FRMPD4: variants seen among roughly 807,000 people sequenced by gnomAD.
FRMPD4 encodes FERM and PDZ domain-containing protein 4.
A neutral mutation model predicts 94.1 loss-of-function variants in FRMPD4; 22 were observed. That is an observed-to-expected ratio of 0.23 (90% confidence interval 0.17 to 0.33). The LOEUF is 0.33. Among genes scored for constraint, FRMPD4 ranks in the 10% least tolerant of loss-of-function variants. The pLI is 1.00. For synonymous variants in FRMPD4, 631 were observed against 548.6 expected (o/e 1.15, Z -2.10); for missense variants, 1,111 against 1,339.9 (o/e 0.83, Z 2.67).
Position 12,718,718 on chromosome X carries a change from A to C in FRMPD4, c.3892A>C (p.Ile1298Leu), listed in dbSNP as rs780742360. The C allele has an allele frequency of 1.4e-5, 17 of 1,208,443 alleles. No individual in the cohort carries two copies. The Admixed American group carries it at 3.5e-4, about 25-fold the overall frequency. ...GACAGTGCCTGCTCTGCACACAGCC[A>C]TTAACACCGAACCCCTGTTTGGCAC... is the stretch of plus-strand genomic sequence containing the variant. The part of the protein sequence containing the change: ...RMTVPALHTA[I>L]NTEPLFGTLR... The change falls in exon 16 of 17, where the codon ATT becomes CTT. Residue 1298 changes from isoleucine to leucine, a missense_variant. By Grantham distance (5) the Ile-to-Leu change is conservative. Around this residue, in one of 8 missense-constraint regions of FRMPD4, gnomAD observed 551 missense variants for 591.6 expected, o/e 0.93. Transcript: ENST00000675598.
chrX:12,419,398 A>G (rs1299073588), intron 1 of FRMPD4, among the ~76,000 whole-genome samples: 2 of 112,511 alleles, frequency 1.8e-5, no homozygotes, highest in Non-Finnish European at 3.8e-5. Context: ...TTCTCACCAA[A>G]TGTTTTTGTT....
intron 1 of FRMPD4, among the ~76,000 whole-genome samples, chrX:12,181,929 A>G (rs999232331): frequency 1.8e-5 from 2 of 111,175 alleles, no homozygotes; most frequent in African/African-American, 6.5e-5. Flanking sequence ...TTTTGTTTTT[A>G]AATCTGCAAA....
At chrX:12,611,042 T>C (rs949320578) in intron 3 of FRMPD4, among the ~76,000 whole-genome samples, 2 of 112,290 alleles carry the variant, frequency 1.8e-5, no homozygotes, top group African/African-American at 6.5e-5. Context: ...TTCTACAATA[T>C]GATTAGATAA....
intron 1 of FRMPD4, among the ~76,000 whole-genome samples, chrX:12,375,494 A>G (rs2056224022): frequency 8.9e-6 from 1 of 112,129 alleles, no homozygotes; most frequent in South Asian, 3.7e-4. Flanking sequence ...CTTCATCTGC[A>G]AGCCCACAGT....
intron 3 of FRMPD4, among the ~76,000 whole-genome samples, chrX:11,966,578 A>G (rs1470930337): frequency 8.9e-6 from 1 of 111,733 alleles, no homozygotes; most frequent in Admixed American, 9.5e-5. Context: ...TTGCCAAGGC[A>G]ATGGGTTGAA....
chrX:11,947,847 G>T (rs995211243), intron 3 of FRMPD4, among the ~76,000 whole-genome samples: 2 of 111,024 alleles, frequency 1.8e-5, no homozygotes, highest in Non-Finnish European at 3.8e-5. Context: ...AGCACTTTGG[G>T]AGGCTGAGGC....
At chrX:12,541,690 A>C (rs1289246769) in intron 2 of FRMPD4, among the ~76,000 whole-genome samples, 1 of 112,266 alleles carries the variant, frequency 8.9e-6, no homozygotes, top group African/African-American at 3.2e-5. Flanking sequence ...ATTCCTTCTG[A>C]AACTATTCCA....
chrX:11,942,646 G>T (rs2054167174), intron 3 of FRMPD4, among the ~76,000 whole-genome samples: 1 of 111,785 alleles, frequency 8.9e-6, no homozygotes, highest in Non-Finnish European at 1.9e-5. Flanking sequence ...CTTCCACAAT[G>T]TTGGTCTCTT....
At chrX:12,321,973 G>A (rs2055214285) in intron 1 of FRMPD4, among the ~76,000 whole-genome samples, 1 of 111,987 alleles carries the variant, frequency 8.9e-6, no homozygotes, top group Admixed American at 9.5e-5. Context: ...GGGTGATGTG[G>A]AAGGGGGCCT....
At chrX:12,696,883 T>A (rs959832967) in intron 9 of FRMPD4, among the ~76,000 whole-genome samples, 2 of 111,583 alleles carry the variant, frequency 1.8e-5, no homozygotes, top group Non-Finnish European at 3.8e-5. Flanking sequence ...GTGACATAAA[T>A]TAAAGTGGCA....
At chrX:11,823,907 C>G (rs1234152199) in intron 1 of FRMPD4, among the ~76,000 whole-genome samples, 1 of 111,719 alleles carries the variant, frequency 9.0e-6, no homozygotes, top group African/African-American at 3.3e-5. Flanking sequence ...AACTGCCTTT[C>G]TAACAACTTA....
chrX:12,037,348 G>A lies in FRMPD4; in HGVS notation c.95+159330G>A, dbSNP rs140292010. On this transcript the variant is annotated intron_variant, in intron 3 of 18. Transcript: ENST00000640291. ...ATATAGTTATACAGCTGCCACCACA[G>A]TTAAGATATAGAACATTTCGATCAT... Among the ~76,000 whole-genome samples, 858 of 111,556 alleles carry A rather than the reference G, an allele frequency of 7.7e-3. 4 individuals carry two copies. The highest frequency in any genetic ancestry group is 0.014 in the Non-Finnish European group (725 of 53,041).
At chrX:11,907,481 T>G (rs1288535130) in intron 3 of FRMPD4, among the ~76,000 whole-genome samples, 1 of 112,294 alleles carries the variant, frequency 8.9e-6, no homozygotes, top group Non-Finnish European at 1.9e-5. Flanking sequence ...TTCTGGAGTC[T>G]GGAAGTCCAA....
intron 2 of FRMPD4, among the ~76,000 whole-genome samples, chrX:11,870,467 A>G (rs773146780): frequency 1.8e-5 from 2 of 111,772 alleles, no homozygotes; most frequent in Non-Finnish European, 3.8e-5. Context: ...TGAAAAGGGC[A>G]GTGACATGGC....
At chrX:12,216,310 A>G (rs1010336399) in intron 1 of FRMPD4, among the ~76,000 whole-genome samples, 13 of 111,504 alleles carry the variant, frequency 1.2e-4, no homozygotes, top group Non-Finnish European at 2.3e-4. Flanking sequence ...TGCTCTTTTC[A>G]GCCTAGTAGC....
intron 2 of FRMPD4, among the ~76,000 whole-genome samples, chrX:12,560,830 C>T (rs1041712511): frequency 5.2e-5 from 4 of 77,593 alleles, no homozygotes; most frequent in East Asian, 9.6e-4. Flanking sequence ...AGTGCAGTGG[C>T]GGGATCTCGG....
chrX:12,565,118 A>T (rs1219129055), intron 2 of FRMPD4, among the ~76,000 whole-genome samples: 2 of 110,957 alleles, frequency 1.8e-5, no homozygotes, highest in Non-Finnish European at 3.8e-5. Flanking sequence ...TTGGATTATA[A>T]CCAAGTGTAA....
chrX:11,920,318 C>A (rs1252306480), intron 3 of FRMPD4, among the ~76,000 whole-genome samples: 2 of 112,066 alleles, frequency 1.8e-5, no homozygotes, highest in Non-Finnish European at 3.8e-5. Context: ...GTCAGCTGCA[C>A]AGTGGCCCTA....
chrX:12,251,354 T>G (rs1032170758), intron 1 of FRMPD4, among the ~76,000 whole-genome samples: 1 of 112,252 alleles, frequency 8.9e-6, no homozygotes, highest in African/African-American at 3.2e-5. Flanking sequence ...TAGAACCTAC[T>G]TTGAACCCAC....
Sources: gnomAD v4.1 joint callset for allele counts (sites outside exome capture counted in the v4.1 genomes callset) on GRCh38, gnomAD v4.1.1 for gene constraint, gnomAD v4.1.1 regional missense constraint, MANE v1.5 for transcripts, NCBI Gene and HGNC (gene_info 2026-07-23, HGNC 2026-07-21) for gene names.